Variants in ASB3 observed in about 807,000 individuals in gnomAD.
The protein encoded by ASB3 is ankyrin repeat and SOCS box containing 3.
Under a neutral mutation model 54.5 loss-of-function variants are expected in ASB3, and 41 were observed. The ratio of observed to expected loss-of-function variants is 0.75; its 90% confidence interval spans 0.59 to 0.98. ASB3 has a LOEUF of 0.98. Ranked by LOEUF, ASB3 falls within the 50% of genes least tolerant of loss-of-function variation. The pLI is 0.00. For synonymous variants in ASB3, 266 were observed against 221.2 expected, an observed-to-expected ratio of 1.20 and a Z score of -1.80; for missense variants, 733 against 620.0, an observed-to-expected ratio of 1.18 and a Z score of -1.94.
At chr2:53,736,868 G>A (rs560655355) in intron 3 of ASB3, among the ~76,000 whole-genome samples, 3 of 151,884 alleles carry the variant, frequency 2.0e-5, no homozygotes, top group East Asian at 1.9e-4. Context: ...GTGCATGCCT[G>A]TAGTCCCAAG....
intron 9 of ASB3, among the ~76,000 whole-genome samples, chr2:53,680,776 G>T (rs932139208): frequency 3.9e-5 from 6 of 152,038 alleles, no homozygotes; most frequent in Admixed American, 3.3e-4. Flanking sequence ...ACAATAAATT[G>T]TTGACCTTAG....
At chr2:53,768,339 AG>A in intron 1 of ASB3, 1 of 250,830 alleles carries the variant, frequency 4.0e-6, no homozygotes, top group Non-Finnish European at 7.6e-6. Flanking sequence ...CTCTGCCAAA[AG>A]AAAAAAAGTC....
chr2:53,698,448 CT>C (rs1287356782), intron 8 of ASB3, among the ~76,000 whole-genome samples: 1 of 152,182 alleles, frequency 6.6e-6, no homozygotes, highest in Admixed American at 6.5e-5. Flanking sequence ...TTCTTCCCTT[CT>C]AATTATATTA....
chr2:53,751,063 G>C, intron 2 of ASB3, 122 bp from the exon 3 acceptor site: 2 of 1,177,782 alleles, frequency 1.7e-6, no homozygotes, highest in Non-Finnish European at 2.2e-6. Context: ...TAAATGACAG[G>C]TTTCACCATT....
intron 7 of ASB3, among the ~76,000 whole-genome samples, chr2:53,704,566 C>T (rs1358175142): frequency 6.6e-6 from 1 of 152,020 alleles, no homozygotes; most frequent in Non-Finnish European, 1.5e-5. Context: ...TTTTTTCCCT[C>T]AGACACTGGT....
intron 7 of ASB3, among the ~76,000 whole-genome samples, chr2:53,706,994 T>A (rs992342289): frequency 3.2e-4 from 48 of 152,218 alleles, no homozygotes; most frequent in Non-Finnish European, 1.5e-5. Context: ...AAGTAACCTG[T>A]TGCTGTTTAC....
chr2:53,709,953 G>A (rs1192758036), intron 7 of ASB3, among the ~76,000 whole-genome samples: 6 of 152,184 alleles, frequency 3.9e-5, no homozygotes, highest in Admixed American at 6.5e-5. Context: ...CCTGTGGGGA[G>A]GCTTTTATAG....
chr2:53,779,903 T>C (rs1363488835), intron 1 of ASB3, among the ~76,000 whole-genome samples: 5 of 152,248 alleles, frequency 3.3e-5, no homozygotes, highest in African/African-American at 7.2e-5. Context: ...CGTCTAAAGT[T>C]TTTCTTTTAA....
At chr2:53,765,643 G>A in intron 1 of ASB3, 58 bp from the exon 2 acceptor site, 1 of 1,599,744 alleles carries the variant, frequency 6.3e-7, no homozygotes, top group South Asian at 1.1e-5. Context: ...TTCACTCCTA[G>A]AGGTCAGCAA....
intron 5 of ASB3, 120 bp from the exon 6 acceptor site, chr2:53,716,863 G>A: frequency 2.7e-6 from 3 of 1,112,458 alleles, no homozygotes; most frequent in Non-Finnish European, 3.7e-6. Context: ...CCTCTTCACT[G>A]AATGTTGGAT....
chr2:53,776,607 G>C (rs540437890), intron 1 of ASB3, among the ~76,000 whole-genome samples: 1 of 152,256 alleles, frequency 6.6e-6, no homozygotes, highest in East Asian at 1.9e-4. Flanking sequence ...GATCACTTCA[G>C]GTTAGGAGCT....
chr2:53,717,148 T>C (rs1052702637), intron 5 of ASB3, among the ~76,000 whole-genome samples: 1 of 152,228 alleles, frequency 6.6e-6, no homozygotes, highest in Non-Finnish European at 1.5e-5. Flanking sequence ...TCCTATTCAA[T>C]GAAGGATACA....
intron 9 of ASB3, among the ~76,000 whole-genome samples, chr2:53,681,254 T>C (rs2111854): frequency 0.99 from 151,080 of 152,344 alleles, 74,915 homozygotes; most frequent in East Asian, 1. Context: ...ACTGCTGGAT[T>C]ATATGGTAGG....
intron 1 of ASB3, among the ~76,000 whole-genome samples, chr2:53,777,040 A>G (rs185735906): frequency 2.2e-4 from 34 of 152,290 alleles, no homozygotes; most frequent in Non-Finnish European, 3.8e-4. Context: ...CTAAAATACT[A>G]TATTTCAGTT....
Position 53,670,544 on chromosome 2 carries a change from T to C in ASB3, c.1516A>G (p.Met506Val), listed in dbSNP as rs759822897. Residue 506 changes from methionine (M) to valine (V), a missense_variant, in exon 10 of 10, where the codon ATG becomes GTG. Transcript: ENST00000263634. Reference sequence around the variant, plus strand: ...GCTGCCAGTTCTGGAACTTCATACATCCTCAGAACGTCTTCATAGAGCAAA... The same window carrying C: ...GCTGCCAGTTCTGGAACTTCATACACCCTCAGAACGTCTTCATAGAGCAAA... ...NYLLYEDVLR[M>V]YEVPELAAIQ... 10 of 1,613,996 alleles carry C rather than the reference T, an allele frequency of 6.2e-6. No homozygotes were observed. The East Asian group carries it at 2.2e-4, about 36-fold the overall frequency.
intron 7 of ASB3, among the ~76,000 whole-genome samples, chr2:53,707,372 T>G (rs1669838754): frequency 6.6e-6 from 1 of 152,206 alleles, no homozygotes; most frequent in African/African-American, 2.4e-5. Context: ...CCAGGTGTGG[T>G]GGCTCACGCC....
At chr2:53,780,950 G>C (rs559503553) in intron 1 of ASB3, among the ~76,000 whole-genome samples, 1 of 152,134 alleles carries the variant, frequency 6.6e-6, no homozygotes, top group African/African-American at 2.4e-5. Flanking sequence ...TCTATTCCAA[G>C]TGCTTTATGT....
intron 7 of ASB3, among the ~76,000 whole-genome samples, chr2:53,713,903 A>T (rs1262904269): frequency 6.6e-6 from 1 of 151,956 alleles, no homozygotes; most frequent in Non-Finnish European, 1.5e-5. Context: ...ACAGAGTGAG[A>T]CCCTGTCTCA....
At chr2:53,750,345 G>A (rs1046077489) in intron 3 of ASB3, among the ~76,000 whole-genome samples, 12 of 152,102 alleles carry the variant, frequency 7.9e-5, no homozygotes, top group African/African-American at 2.9e-4. Context: ...TTAAAAAACA[G>A]ATCCATACAG....
Sources: allele counts gnomAD v4.1 joint callset (sites outside exome capture counted in the v4.1 genomes callset), GRCh38; gene constraint gnomAD v4.1.1; transcripts MANE v1.5; gene names NCBI Gene and HGNC (gene_info 2026-07-23, HGNC 2026-07-21).